The following GRIK2 variants were observed in gnomAD, a reference collection of about 807,000 sequenced individuals.
GRIK2 encodes glutamate receptor ionotropic, kainate 2.
In GRIK2, 32 loss-of-function variants were observed where a neutral mutation model predicts 100.3. That is an observed-to-expected ratio of 0.32 (90% confidence interval 0.24 to 0.43). The LOEUF (loss-of-function observed/expected upper bound fraction) is 0.43. Ranked by LOEUF, GRIK2 falls within the 20% of genes least tolerant of loss-of-function variation. The probability of loss-of-function intolerance (pLI) is 1.00; values close to 1 mark genes in which losing one functional copy is unlikely to be tolerated. For synonymous variants in GRIK2, 417 were observed against 389.4 expected, an observed-to-expected ratio of 1.07 and a Z score of -0.83; for missense variants, 843 against 1,114.9, an observed-to-expected ratio of 0.76 and a Z score of 3.47.
At chr6:102,039,278 C>T (rs912728216) in intron 15 of GRIK2, among the ~76,000 whole-genome samples, 15 of 151,444 alleles carry the variant, frequency 9.9e-5, no homozygotes, top group African/African-American at 3.4e-4. Flanking sequence ...AAAGTAAATG[C>T]TAAATAAGCT....
intron 11 of GRIK2, among the ~76,000 whole-genome samples, chr6:101,883,882 A>G (rs2251865): frequency 0.92 from 140,028 of 152,202 alleles, 64,523 homozygotes; most frequent in East Asian, 0.98. Flanking sequence ...ATATCTTGCA[A>G]TGCTTTGTAG....
At chr6:101,645,063 T>C (rs991978278) in intron 4 of GRIK2, among the ~76,000 whole-genome samples, 1 of 151,668 alleles carries the variant, frequency 6.6e-6, no homozygotes, top group African/African-American at 2.4e-5. Context: ...TTGCCTGTTG[T>C]TTAGCCCCTG....
intron 7 of GRIK2, among the ~76,000 whole-genome samples, chr6:101,710,663 A>G (rs1773636300): frequency 6.6e-6 from 1 of 151,612 alleles, no homozygotes; most frequent in Non-Finnish European, 1.5e-5. Flanking sequence ...GTTCATAGCC[A>G]CTCCTGTAGC....
intron 2 of GRIK2, among the ~76,000 whole-genome samples, chr6:101,573,891 A>G (rs1562235520): frequency 6.6e-6 from 1 of 152,122 alleles, no homozygotes. Flanking sequence ...AGCTTGTTCT[A>G]GAGAAATTTT....
chr6:101,657,877 C>G (rs949524675), intron 4 of GRIK2, among the ~76,000 whole-genome samples: 36 of 151,998 alleles, frequency 2.4e-4, no homozygotes, highest in African/African-American at 7.7e-4. Context: ...TCAGTCAAAT[C>G]TAGGATGAGG....
Position 101,597,337 on chromosome 6 carries a change from T to C in GRIK2, c.116-24612T>C, listed in dbSNP as rs1778973020. Among the ~76,000 whole-genome samples, 5 of 151,752 alleles carry C rather than the reference T, an allele frequency of 3.3e-5. No homozygotes were observed. The Admixed American group carries it at 3.3e-4, about 10-fold the overall frequency. ...GACCTCAACATCATGCAATATACCC[T>C]TGTAACAAGCCTGCAAATGTATTCC... On this transcript the variant is annotated intron_variant, in intron 2 of 16. Transcript: ENST00000369134.
intron 2 of GRIK2, among the ~76,000 whole-genome samples, chr6:101,547,303 TAGC>T (rs975244535): frequency 7.4e-6 from 1 of 134,980 alleles, no homozygotes; most frequent in African/African-American, 2.9e-5. Context: ...CATTTTTTAT[TAGC>T]AGTTTCTTTT....
chr6:101,699,548 A>T (rs1772734971), intron 7 of GRIK2, among the ~76,000 whole-genome samples: 1 of 152,094 alleles, frequency 6.6e-6, no homozygotes, highest in Non-Finnish European at 1.5e-5. Flanking sequence ...ACTCCACTTG[A>T]GCATCCTCAG....
At chr6:102,029,602 GTCT>G (rs1450789308) in intron 14 of GRIK2, among the ~76,000 whole-genome samples, 1 of 151,112 alleles carries the variant, frequency 6.6e-6, no homozygotes, top group Admixed American at 6.6e-5. Flanking sequence ...ATCTAGCTAA[GTCT>G]TCTTATTTTC....
chr6:101,880,793 A>G (rs970952643), intron 11 of GRIK2, among the ~76,000 whole-genome samples: 2 of 152,024 alleles, frequency 1.3e-5, no homozygotes, highest in African/African-American at 4.8e-5. Flanking sequence ...AATTGGTAGC[A>G]TTCAAACATA....
At chr6:102,007,776 T>G (rs1795318038) in intron 14 of GRIK2, among the ~76,000 whole-genome samples, 1 of 152,092 alleles carries the variant, frequency 6.6e-6, no homozygotes, top group Non-Finnish European at 1.5e-5. Context: ...CACTCTGGGC[T>G]GGGTCTAGTT....
intron 2 of GRIK2, among the ~76,000 whole-genome samples, chr6:101,481,163 T>C (rs924964523): frequency 3.9e-5 from 6 of 152,206 alleles, no homozygotes; most frequent in African/African-American, 1.4e-4. Flanking sequence ...ACTGTTCTGA[T>C]ATTTTTCAGA....
At chr6:101,974,814 C>CT (rs1793268990) in intron 14 of GRIK2, among the ~76,000 whole-genome samples, 1 of 151,870 alleles carries the variant, frequency 6.6e-6, no homozygotes, top group Admixed American at 6.6e-5. Flanking sequence ...ATACATAAAA[C>CT]TAACTATCAC....
At chr6:102,038,044 C>T (rs1360777206) in intron 15 of GRIK2, among the ~76,000 whole-genome samples, 2 of 151,372 alleles carry the variant, frequency 1.3e-5, no homozygotes, top group Non-Finnish European at 3.0e-5. Context: ...TGCTCTTGGA[C>T]AAGTAACTTG....
At chr6:101,735,227 G>A (rs1189133703) in intron 7 of GRIK2, among the ~76,000 whole-genome samples, 1 of 152,126 alleles carries the variant, frequency 6.6e-6, no homozygotes, top group East Asian at 1.9e-4. Flanking sequence ...AAAAAATGTA[G>A]CGATAAAGGA....
intron 7 of GRIK2, among the ~76,000 whole-genome samples, chr6:101,747,326 C>T (rs1776479666): frequency 6.6e-6 from 1 of 152,174 alleles, no homozygotes; most frequent in African/African-American, 2.4e-5. Flanking sequence ...CATGAATCAG[C>T]AGGCATGGAT....
At chr6:101,503,578 G>A (rs897524447) in intron 2 of GRIK2, among the ~76,000 whole-genome samples, 1 of 152,082 alleles carries the variant, frequency 6.6e-6, no homozygotes, top group South Asian at 2.1e-4. Flanking sequence ...AAGCTATGTT[G>A]CTCTAGTTTT....
intron 14 of GRIK2, among the ~76,000 whole-genome samples, chr6:101,931,618 G>A (rs2128472683): frequency 6.6e-6 from 1 of 150,726 alleles, no homozygotes; most frequent in Non-Finnish European, 1.5e-5. Flanking sequence ...TGTTCACTGA[G>A]CTCAAGGTGC....
chr6:101,904,555 G>T (rs2128462933), intron 12 of GRIK2, among the ~76,000 whole-genome samples: 1 of 151,482 alleles, frequency 6.6e-6, no homozygotes, highest in East Asian at 1.9e-4. Flanking sequence ...AGAAATTCAA[G>T]TTTTGTTATT....
Sources: gnomAD v4.1 joint callset for allele counts (sites outside exome capture counted in the v4.1 genomes callset) on GRCh38, gnomAD v4.1.1 for gene constraint, MANE v1.5 for transcripts, NCBI Gene and HGNC (gene_info 2026-07-23, HGNC 2026-07-21) for gene names.